NRXN1: variants seen among roughly 807,000 people sequenced by gnomAD.
NRXN1 encodes the protein neurexin-1.
A neutral mutation model predicts 150.9 loss-of-function variants in NRXN1; 39 were observed. That is an observed-to-expected ratio of 0.26 (90% CI 0.20 to 0.34). The LOEUF is 0.34. NRXN1 is among the 10% of genes least tolerant of loss of function. NRXN1 has a pLI of 1.00. For synonymous variants in NRXN1, 924 were observed against 757.0 expected (o/e 1.22, Z -3.62); for missense variants, 1,815 against 1,949.9 (o/e 0.93, Z 1.30).
chr2:50,211,881 G>A (rs930287253), intron 18 of NRXN1, among the ~76,000 whole-genome samples: 7 of 151,498 alleles, frequency 4.6e-5, no homozygotes, highest in South Asian at 2.1e-4. Flanking sequence ...CGTGTTCTTC[G>A]TTCATTTAAT....
At chr2:50,687,961 C>T (rs1195857243) in intron 5 of NRXN1, among the ~76,000 whole-genome samples, 1 of 152,124 alleles carries the variant, frequency 6.6e-6, no homozygotes, top group Non-Finnish European at 1.5e-5. Flanking sequence ...TTCTTCATAT[C>T]GAGATGGAGG....
intron 8 of NRXN1, among the ~76,000 whole-genome samples, chr2:50,606,248 C>G (rs1326949162): frequency 2.3e-5 from 1 of 42,732 alleles, no homozygotes; most frequent in South Asian, 8.0e-4. Flanking sequence ...GACTCTGTTT[C>G]AGAAAAAAAA....
intron 22 of NRXN1, among the ~76,000 whole-genome samples, chr2:49,943,002 A>G (rs1672275432): frequency 6.6e-6 from 1 of 152,214 alleles, no homozygotes; most frequent in South Asian, 2.1e-4. Flanking sequence ...TGAAGTTATG[A>G]ATATTTGGAA....
intron 5 of NRXN1, among the ~76,000 whole-genome samples, chr2:50,897,023 C>T (rs565214730): frequency 1.1e-4 from 16 of 152,256 alleles, no homozygotes; most frequent in African/African-American, 3.6e-4. Flanking sequence ...AATAAAAGGT[C>T]TGAAAATTCT....
chr2:50,365,691 G>T (rs1045988650), intron 17 of NRXN1, among the ~76,000 whole-genome samples: 1 of 151,998 alleles, frequency 6.6e-6, no homozygotes, highest in African/African-American at 2.4e-5. Flanking sequence ...AGCTGACAAA[G>T]TTCTAGCTAC....
intron 5 of NRXN1, among the ~76,000 whole-genome samples, chr2:50,808,449 T>C (rs928450736): frequency 6.6e-6 from 1 of 152,020 alleles, no homozygotes; most frequent in Non-Finnish European, 1.5e-5. Context: ...TTAAGAGATA[T>C]AGCTTTTAAT....
chr2:50,709,241 G>C (rs1289848648), intron 5 of NRXN1, among the ~76,000 whole-genome samples: 4 of 152,106 alleles, frequency 2.6e-5, no homozygotes, highest in Non-Finnish European at 5.9e-5. Flanking sequence ...TTGAACACCT[G>C]TTATATGCTT....
chr2:50,546,026 C>T (rs2093485535), intron 9 of NRXN1, among the ~76,000 whole-genome samples: 2 of 151,856 alleles, frequency 1.3e-5, no homozygotes, highest in Non-Finnish European at 2.9e-5. Context: ...ATTTTCAATC[C>T]ATAGTTGATT....
At chr2:50,316,371 G>C (rs1182441844) in intron 17 of NRXN1, among the ~76,000 whole-genome samples, 1 of 152,032 alleles carries the variant, frequency 6.6e-6, no homozygotes. Context: ...AGTGGATCTT[G>C]AAATGATAAT....
At chr2:50,165,886 G>A (rs1481943912) in intron 18 of NRXN1, among the ~76,000 whole-genome samples, 1 of 152,092 alleles carries the variant, frequency 6.6e-6, no homozygotes, top group South Asian at 2.1e-4. Flanking sequence ...TCTTAGGACA[G>A]CTGGAGTCTT....
chr2:50,383,572 T>G (rs766656415), intron 17 of NRXN1, among the ~76,000 whole-genome samples: 32 of 152,178 alleles, frequency 2.1e-4, no homozygotes, highest in Non-Finnish European at 7.3e-5. Context: ...ATTTTAAGGA[T>G]TCCCTTCAAT....
intron 5 of NRXN1, among the ~76,000 whole-genome samples, chr2:50,686,430 G>A (rs1691243550): frequency 6.6e-6 from 1 of 152,066 alleles, no homozygotes; most frequent in South Asian, 2.1e-4. Flanking sequence ...ATTTTAGACA[G>A]TTGAAAGGGA....
intron 18 of NRXN1, among the ~76,000 whole-genome samples, chr2:50,103,929 C>T (rs1307454361): frequency 6.6e-6 from 1 of 151,976 alleles, no homozygotes; most frequent in Non-Finnish European, 1.5e-5. Flanking sequence ...CTTTTCATTT[C>T]CATAAATGTC....
chr2:50,900,990 T>C (rs1287754910), intron 5 of NRXN1, among the ~76,000 whole-genome samples: 1 of 152,152 alleles, frequency 6.6e-6, no homozygotes, highest in East Asian at 1.9e-4. Flanking sequence ...ATGTAAAAAT[T>C]AAACCTCCTT....
intron 18 of NRXN1, among the ~76,000 whole-genome samples, chr2:50,182,189 C>A (rs6712119): frequency 6.7e-6 from 1 of 149,614 alleles, no homozygotes; most frequent in Non-Finnish European, 1.5e-5. Context: ...AAGCCACTAT[C>A]GGTTTGGCAC....
chr2:50,447,737 T>TA (rs2086562012), intron 17 of NRXN1, among the ~76,000 whole-genome samples: 1 of 37,934 alleles, frequency 2.6e-5, no homozygotes, highest in Non-Finnish European at 4.3e-5. Flanking sequence ...CAGGGGAACG[T>TA]TATATATATA....
Position 50,557,112 on chromosome 2 carries a change from T to C in NRXN1, c.1321-4087A>G, listed in dbSNP as rs555485532. ...CTCGTACACAGACATGCCTCGAGGA[T>C]TATATCTACCTAAGTTTTGTACAGA... On this transcript the variant is annotated intron_variant, in intron 8 of 22. Coordinates refer to ENST00000401669, the MANE Select transcript of NRXN1 (RefSeq NM_001330078.2). Among the ~76,000 whole-genome samples, 61 of 152,302 alleles carry C rather than the reference T, an allele frequency of 4.0e-4. No individual in the cohort carries two copies. The South Asian group carries it at 0.012, about 30-fold the overall frequency.
chr2:50,897,642 G>T (rs1354006152), intron 5 of NRXN1, among the ~76,000 whole-genome samples: 1 of 152,176 alleles, frequency 6.6e-6, no homozygotes, highest in African/African-American at 2.4e-5. Context: ...TCACTGTGCA[G>T]AAATGAAGAA....
intron 21 of NRXN1, among the ~76,000 whole-genome samples, chr2:50,043,066 T>C (rs1691259934): frequency 6.6e-6 from 1 of 152,180 alleles, no homozygotes; most frequent in African/African-American, 2.4e-5. Flanking sequence ...GTTTAGGCAA[T>C]GTGAACAGTT....
Sources: gnomAD v4.1 joint callset for allele counts (sites outside exome capture counted in the v4.1 genomes callset) on GRCh38, gnomAD v4.1.1 for gene constraint, MANE v1.5 for transcripts, NCBI Gene and HGNC (gene_info 2026-07-23, HGNC 2026-07-21) for gene names.